CDH9: variants seen among roughly 807,000 people sequenced by gnomAD.
The protein encoded by CDH9 is cadherin 9, also known as cadherin-9.
In CDH9, 28 loss-of-function variants were observed where a neutral mutation model predicts 70.9. That is an observed-to-expected ratio of 0.40 (90% CI 0.29 to 0.54). The LOEUF (loss-of-function observed/expected upper bound fraction) is 0.54, where lower values mean the gene tolerates loss of function less well. CDH9 is among the 20% of genes least tolerant of loss of function. The pLI is 0.59. For missense variants in CDH9, 874 were observed against 984.4 expected (o/e 0.89, Z 1.50); for synonymous variants, 409 against 343.1 (o/e 1.19, Z -2.12).
intron 2 of CDH9, among the ~76,000 whole-genome samples, chr5:26,960,131 A>T (rs1742010024): frequency 6.6e-6 from 1 of 152,024 alleles, no homozygotes; most frequent in African/African-American, 2.4e-5. Flanking sequence ...GACATCCTAA[A>T]TGTTTTCAGA....
chr5:26,979,853 G>A (rs1224940684), intron 2 of CDH9, among the ~76,000 whole-genome samples: 1 of 151,708 alleles, frequency 6.6e-6, no homozygotes, highest in Non-Finnish European at 1.5e-5. Flanking sequence ...AAGATCATTA[G>A]ATATGTACCT....
intron 2 of CDH9, among the ~76,000 whole-genome samples, chr5:26,967,859 ATG>A (rs1742154526): frequency 6.6e-6 from 1 of 151,862 alleles, no homozygotes; most frequent in Non-Finnish European, 1.5e-5. Context: ...AGGTGCCACT[ATG>A]TCTGGCTAAC....
intron 2 of CDH9, among the ~76,000 whole-genome samples, chr5:26,930,047 C>T (rs1741414113): frequency 6.6e-6 from 1 of 151,892 alleles, no homozygotes. Flanking sequence ...GTGGACATGC[C>T]ATTTACCCTG....
chr5:26,933,486 A>AG (rs1741501173), intron 2 of CDH9, among the ~76,000 whole-genome samples: 1 of 149,924 alleles, frequency 6.7e-6, no homozygotes, highest in African/African-American at 2.5e-5. Context: ...CTAACTAAAA[A>AG]AAAAAGAAGG....
intron 2 of CDH9, among the ~76,000 whole-genome samples, chr5:26,957,238 T>C (rs933480318): frequency 6.6e-6 from 1 of 152,182 alleles, no homozygotes; most frequent in Non-Finnish European, 1.5e-5. Flanking sequence ...CTATGAATTT[T>C]TTAATCACAT....
chr5:27,013,656 C>T (rs1292747864), intron 1 of CDH9, among the ~76,000 whole-genome samples: 1 of 151,884 alleles, frequency 6.6e-6, no homozygotes, highest in African/African-American at 2.4e-5. Flanking sequence ...AAGAATCCAC[C>T]TCTACAGCCC....
At chr5:26,930,842 G>A (rs538634586) in intron 2 of CDH9, among the ~76,000 whole-genome samples, 2 of 152,018 alleles carry the variant, frequency 1.3e-5, no homozygotes, top group African/African-American at 4.8e-5. Context: ...TCCAAGACAT[G>A]TTTTAGAATA....
chr5:26,930,263 T>C (rs1478442711), intron 2 of CDH9, among the ~76,000 whole-genome samples: 4 of 152,160 alleles, frequency 2.6e-5, no homozygotes, highest in African/African-American at 4.8e-5. Flanking sequence ...GTTTCATCTT[T>C]TTGTTTGTTA....
At chr5:26,911,313 G>A (rs558454699) in intron 3 of CDH9, among the ~76,000 whole-genome samples, 2 of 152,014 alleles carry the variant, frequency 1.3e-5, no homozygotes, top group South Asian at 4.1e-4. Context: ...AATATATTTG[G>A]TCAAGAATTT....
intron 1 of CDH9, among the ~76,000 whole-genome samples, chr5:27,021,181 G>C (rs1360687310): frequency 1.3e-5 from 2 of 151,802 alleles, no homozygotes; most frequent in African/African-American, 4.8e-5. Context: ...AAAAGAGGGA[G>C]CTAAAGCATT....
At position 26,881,179 on chromosome 5, in the gene CDH9, T is replaced by G. The variant is rs1384419539; in HGVS notation, c.2327A>C (p.Lys776Thr). ...ATCACCCCCATACATATCGGCAAGT[T>G]TTTTGAAACGAGGCCCCCAGTCACT... ...YLSDWGPRFK[K>T]LADMYGGDDS... Residue 776 changes from lysine to threonine, a missense_variant, in exon 12 of 12, where the codon AAA (lysine) becomes ACA (threonine). Transcript: ENST00000231021. 2 of 1,612,900 alleles carry G rather than the reference T, an allele frequency of 1.2e-6. No homozygotes were observed. The highest frequency in any genetic ancestry group is 4.5e-5 in the East Asian group (2 of 44,854).
rs754046543 is a variant in CDH9 at position 26,915,826 on chromosome 5, G to A, written c.327C>T (p.Asp109=). 2.5e-6 allele frequency: 4 copies of A among 1,612,806 alleles called. No individual in the cohort carries two copies. The highest frequency in any genetic ancestry group is 3.4e-6 in the Non-Finnish European group (4 of 1,178,924). Reference sequence around the variant, plus strand: ...TGTCTAGTTTCTTTGCAGCATGAATGTCTCCTGTATTTTCATCTATAACAA... The same window carrying A: ...TGTCTAGTTTCTTTGCAGCATGAATATCTCCTGTATTTTCATCTATAACAA... ...SLFVIDENTG[D]IHAAKKLDRE... Residue 109 remains aspartate (D), a synonymous_variant, in exon 3 of 12, where the codon GAC becomes GAT. Transcript: ENST00000231021.
chr5:27,034,259 A>G (rs1042031647), intron 1 of CDH9, among the ~76,000 whole-genome samples: 4 of 151,678 alleles, frequency 2.6e-5, no homozygotes, highest in Admixed American at 6.6e-5. Flanking sequence ...AAATGAAGTC[A>G]TCTATGCTCT....
chr5:27,028,921 T>A (rs1038387541), intron 1 of CDH9, among the ~76,000 whole-genome samples: 4 of 151,990 alleles, frequency 2.6e-5, no homozygotes, highest in African/African-American at 9.7e-5. Context: ...TTTTGTAGAA[T>A]GTATCAATAG....
At chr5:26,995,688 C>A (rs1227690942) in intron 1 of CDH9, among the ~76,000 whole-genome samples, 1 of 151,976 alleles carries the variant, frequency 6.6e-6, no homozygotes, top group Non-Finnish European at 1.5e-5. Context: ...CTTTTTATCC[C>A]ATTGGATTTA....
In CDH9 at chr5:26,881,453, C is replaced by T; in HGVS notation, c.2053G>A (p.Asp685Asn). Reference sequence around the variant, plus strand: ...ATTACATCCCGTCTAAGTTTACTGTCTTCTCTTGCCTCTGGATTCCTTAAT... The same window carrying T: ...ATTACATCCCGTCTAAGTTTACTGTTTTCTCTTGCCTCTGGATTCCTTAAT... ...GTLRNPEARE[D>N]SKLRRDVMPE... is the part of the protein sequence containing the mutation. Residue 685 changes from aspartate (D) to asparagine (N), a missense_variant, in exon 12 of 12, where the codon GAC becomes AAC. Physicochemically the swap from Asp to Asn is conservative, Grantham distance 23. Coordinates refer to ENST00000231021, the MANE Select transcript of CDH9 (RefSeq NM_016279.4). 6.2e-7 allele frequency: 1 copy of T among 1,613,684 alleles called. No individual in the cohort carries two copies.
intron 5 of CDH9, among the ~76,000 whole-genome samples, chr5:26,904,787 G>T (rs1450549312): frequency 1.3e-5 from 2 of 152,006 alleles, no homozygotes; most frequent in East Asian, 1.9e-4. Context: ...AAATAAGGAT[G>T]ATAATGATAG....
chr5:27,035,675 C>CGTGTGTGTGTGT, intron 1 of CDH9, among the ~76,000 whole-genome samples: 1 of 142,880 alleles, frequency 7.0e-6, no homozygotes, highest in South Asian at 2.3e-4. Flanking sequence ...TTGCTATTGA[C>CGTGTGTGTGTGT]GTGTGTGTGT....
intron 7 of CDH9, among the ~76,000 whole-genome samples, chr5:26,892,888 G>A (rs1463037798): frequency 1.3e-5 from 2 of 151,836 alleles, no homozygotes; most frequent in Non-Finnish European, 2.9e-5. Context: ...CCACCACCAT[G>A]TCCGGCTAAT....
Sources: gnomAD v4.1 joint callset for allele counts (sites outside exome capture counted in the v4.1 genomes callset) on GRCh38, gnomAD v4.1.1 for gene constraint, MANE v1.5 for transcripts, NCBI Gene and HGNC (gene_info 2026-07-23, HGNC 2026-07-21) for gene names.